CDH13: variants seen among roughly 807,000 people sequenced by gnomAD.
CDH13 encodes cadherin-13.
CDH13 carries 24 observed loss-of-function variants against 63.8 expected under a neutral mutation model. The ratio of observed to expected loss-of-function variants is 0.38; its 90% confidence interval spans 0.27 to 0.53. The LOEUF is 0.53. Ranked by LOEUF, CDH13 falls within the 20% of genes least tolerant of loss-of-function variation. The probability of loss-of-function intolerance (pLI) is 0.85; values close to 1 mark genes in which losing one functional copy is unlikely to be tolerated. For missense variants in CDH13, 1,049 were observed against 903.1 expected, an observed-to-expected ratio of 1.16 and a Z score of -2.07; for synonymous variants, 503 against 355.3, an observed-to-expected ratio of 1.42 and a Z score of -4.67.
At chr16:83,657,983 G>A (rs1298893436) in intron 8 of CDH13, among the ~76,000 whole-genome samples, 7 of 147,940 alleles carry the variant, frequency 4.7e-5, no homozygotes, top group African/African-American at 1.8e-4. Flanking sequence ...CTCACCACCA[G>A]GTCCCATATC....
At chr16:83,147,666 A>T (rs1391832953) in intron 4 of CDH13, among the ~76,000 whole-genome samples, 2 of 151,906 alleles carry the variant, frequency 1.3e-5, no homozygotes, top group Non-Finnish European at 2.9e-5. Context: ...TCCTTATGGG[A>T]AAGGGACAAC....
intron 7 of CDH13, among the ~76,000 whole-genome samples, chr16:83,592,956 T>G (rs372465824): frequency 1.8e-4 from 28 of 152,208 alleles, no homozygotes; most frequent in African/African-American, 6.5e-4. Flanking sequence ...AAGGCACATT[T>G]TATGAGGATG....
rs576042080 is a variant in CDH13, at chr16:83,165,201, A to G, written c.483+39700A>G. 1.1e-4 allele frequency among the ~76,000 whole-genome samples: 17 copies of G among 152,250 alleles called. No individual in the cohort carries two copies. The South Asian group carries it at 3.5e-3, about 32-fold the overall frequency. The stretch of plus-strand genomic sequence containing the variant: ...AGGCCAAGTCCAGTAAGTCCCTCCA[A>G]ACGTCAAGTGGGGACATCTCAGTAG... On this transcript the variant is annotated intron_variant, in intron 4 of 13. Transcript: ENST00000567109.
intron 2 of CDH13, among the ~76,000 whole-genome samples, chr16:82,973,428 T>C (rs942146719): frequency 6.6e-6 from 1 of 152,222 alleles, no homozygotes; most frequent in African/African-American, 2.4e-5. Context: ...GCTCCAGATG[T>C]CTTGTTTTCC....
chr16:82,643,916 A>G (rs1332825706), intron 1 of CDH13, among the ~76,000 whole-genome samples: 1 of 5,282 alleles, frequency 1.9e-4, no homozygotes, highest in African/African-American at 2.2e-4. Flanking sequence ...CCAGTTAATT[A>G]AAAAAAAAAA....
chr16:82,979,629 C>T lies in CDH13; in HGVS notation c.158-52381C>T, dbSNP rs1017113336. Among the ~76,000 whole-genome samples, 8 of 152,292 alleles carry T rather than the reference C, an allele frequency of 5.3e-5. No individual in the cohort carries two copies. In the East Asian group the frequency reaches 9.7e-4, roughly 18 times the overall value. On this transcript the variant is annotated intron_variant, in intron 2 of 13. Transcript: ENST00000567109. ...TCCTCTTCCACCATGATCATAGTTT[C>T]CTGAGGCTTCCCAAGCCGTGCAGAA...
chr16:83,273,049 G>A (rs766713048), intron 5 of CDH13, among the ~76,000 whole-genome samples: 40 of 152,044 alleles, frequency 2.6e-4, no homozygotes, highest in Non-Finnish European at 5.1e-4. Flanking sequence ...CTTTTGTTTC[G>A]TAACTTCAGC....
chr16:82,690,807 G>C (rs1175707871), intron 1 of CDH13, among the ~76,000 whole-genome samples: 3 of 152,212 alleles, frequency 2.0e-5, no homozygotes, highest in Non-Finnish European at 4.4e-5. Flanking sequence ...AGTCACCTGG[G>C]TGTTGGCTGA....
chr16:83,716,532 G>A (rs1908928799), intron 10 of CDH13, among the ~76,000 whole-genome samples: 1 of 152,102 alleles, frequency 6.6e-6, no homozygotes, highest in Non-Finnish European at 1.5e-5. Flanking sequence ...CACCCAGGCT[G>A]GAGTGCAGTG....
intron 7 of CDH13, among the ~76,000 whole-genome samples, chr16:83,537,930 T>A (rs968156275): frequency 6.6e-6 from 1 of 152,236 alleles, no homozygotes; most frequent in Admixed American, 6.5e-5. Flanking sequence ...AGGAATTTAA[T>A]TTTGTTGTCT....
chr16:83,495,244 T>C (rs1375021630), intron 7 of CDH13, among the ~76,000 whole-genome samples: 1 of 152,152 alleles, frequency 6.6e-6, no homozygotes. Context: ...TCAATACTTG[T>C]AAAATGTACA....
At chr16:82,851,018 C>T (rs62035198) in intron 1 of CDH13, among the ~76,000 whole-genome samples, 3 of 152,040 alleles carry the variant, frequency 2.0e-5, no homozygotes, top group East Asian at 1.9e-4. Flanking sequence ...GGTCTGGAAC[C>T]GAACCTGCAG....
intron 6 of CDH13, chr16:83,396,525 A>G (rs553723722): frequency 2.6e-5 from 4 of 151,854 alleles, no homozygotes; most frequent in Non-Finnish European, 5.9e-5. Context: ...TATCATAATG[A>G]CCTTATTTTG....
chr16:82,696,863 T>G (rs1170200535), intron 1 of CDH13, among the ~76,000 whole-genome samples: 3 of 152,202 alleles, frequency 2.0e-5, no homozygotes, highest in Non-Finnish European at 4.4e-5. Flanking sequence ...ATAGGAGTCA[T>G]CTGCAGGCTT....
At chr16:83,224,961 G>A (rs1482227775) in intron 5 of CDH13, among the ~76,000 whole-genome samples, 1 of 152,214 alleles carries the variant, frequency 6.6e-6, no homozygotes, top group Non-Finnish European at 1.5e-5. Context: ...GTAAACAGTT[G>A]AATGTCAGTA....
At chr16:82,974,153 G>C (rs974697467) in intron 2 of CDH13, among the ~76,000 whole-genome samples, 2 of 152,178 alleles carry the variant, frequency 1.3e-5, no homozygotes, top group African/African-American at 4.8e-5. Context: ...TGGCCAGGCT[G>C]ATTTTGAACT....
At chr16:83,258,257 A>G (rs1182814275) in intron 5 of CDH13, among the ~76,000 whole-genome samples, 1 of 152,240 alleles carries the variant, frequency 6.6e-6, no homozygotes, top group Non-Finnish European at 1.5e-5. Flanking sequence ...TTTTACCACC[A>G]ATATTTTCAG....
At chr16:82,967,086 T>C (rs1472835522) in intron 2 of CDH13, among the ~76,000 whole-genome samples, 1 of 152,194 alleles carries the variant, frequency 6.6e-6, no homozygotes, top group Non-Finnish European at 1.5e-5. Flanking sequence ...CATGACATAG[T>C]TGAAGATTAT....
intron 6 of CDH13, among the ~76,000 whole-genome samples, chr16:83,418,636 A>G (rs1346438784): frequency 6.6e-6 from 1 of 152,162 alleles, no homozygotes. Flanking sequence ...TTGATGAGGA[A>G]GTGTTGCTAG....
Sources: gnomAD v4.1 joint callset for allele counts (sites outside exome capture counted in the v4.1 genomes callset) on GRCh38, gnomAD v4.1.1 for gene constraint, MANE v1.5 for transcripts, NCBI Gene and HGNC (gene_info 2026-07-23, HGNC 2026-07-21) for gene names.